The following CTNNA3 variants were observed in gnomAD, a reference collection of about 807,000 sequenced individuals.
The protein encoded by CTNNA3 is catenin alpha 3.
Under a neutral mutation model 95.7 loss-of-function variants are expected in CTNNA3, and 76 were observed. The ratio of observed to expected loss-of-function variants is 0.79; its 90% CI spans 0.66 to 0.96. CTNNA3 has a LOEUF of 0.96. Ranked by LOEUF, CTNNA3 falls within the 40% of genes least tolerant of loss-of-function variation. CTNNA3 has a pLI of 0.00. For missense variants in CTNNA3, 1,191 were observed against 1,089.8 expected (o/e 1.09, Z -1.31); for synonymous variants, 431 against 374.4 (o/e 1.15, Z -1.74).
chr10:67,304,084 G>T (rs10823028), intron 5 of CTNNA3, among the ~76,000 whole-genome samples: 7 of 152,012 alleles, frequency 4.6e-5, no homozygotes, highest in African/African-American at 1.7e-4. Flanking sequence ...TTTAACATTC[G>T]CATTGCCTTG....
intron 11 of CTNNA3, among the ~76,000 whole-genome samples, chr10:66,470,484 T>C (rs1450346034): frequency 6.6e-6 from 1 of 151,922 alleles, no homozygotes; most frequent in African/African-American, 2.4e-5. Context: ...CACCTGGCTC[T>C]AGACATGGAA....
chr10:66,519,568 C>T (rs1840985361), intron 11 of CTNNA3, among the ~76,000 whole-genome samples: 1 of 152,158 alleles, frequency 6.6e-6, no homozygotes, highest in Non-Finnish European at 1.5e-5. Context: ...TATCTGATTG[C>T]CTCCTTTGGA....
chr10:67,641,402 A>G (rs141337109), intron 2 of CTNNA3, among the ~76,000 whole-genome samples: 20,157 of 150,640 alleles, frequency 0.13, 2,409 homozygotes, highest in African/African-American at 0.32. Context: ...CTTTTACACT[A>G]TTGGTGGGAC....
At chr10:66,978,960 C>CTTTTT (rs34112681) in intron 7 of CTNNA3, among the ~76,000 whole-genome samples, 18 of 83,788 alleles carry the variant, frequency 2.1e-4, no homozygotes, top group African/African-American at 3.6e-4. Flanking sequence ...TACTTATTTC[C>CTTTTT]TTTTTTTTTT....
intron 9 of CTNNA3, among the ~76,000 whole-genome samples, chr10:66,664,910 A>G (rs12774100): frequency 2.8e-5 from 4 of 141,874 alleles, no homozygotes; most frequent in African/African-American, 8.0e-5. Flanking sequence ...AAAAAAAAAA[A>G]CAGAGATCCA....
At chr10:67,545,716 T>C (rs1380047391) in intron 3 of CTNNA3, among the ~76,000 whole-genome samples, 4 of 152,154 alleles carry the variant, frequency 2.6e-5, no homozygotes, top group Non-Finnish European at 4.4e-5. Flanking sequence ...ACTGGAAATT[T>C]TAGTCAATAT....
intron 7 of CTNNA3, among the ~76,000 whole-genome samples, chr10:67,031,602 G>A (rs1476142445): frequency 1.3e-5 from 2 of 152,190 alleles, no homozygotes; most frequent in African/African-American, 4.8e-5. Flanking sequence ...TTTTGCAGAA[G>A]TCAGGTTATT....
At chr10:67,319,536 T>C (rs980858312) in intron 5 of CTNNA3, among the ~76,000 whole-genome samples, 1 of 152,078 alleles carries the variant, frequency 6.6e-6, no homozygotes, top group African/African-American at 2.4e-5. Context: ...CTAAAAAAAG[T>C]GCTAATCATT....
intron 12 of CTNNA3, among the ~76,000 whole-genome samples, chr10:66,365,084 G>T (rs2092702097): frequency 6.6e-6 from 1 of 152,108 alleles, no homozygotes; most frequent in Non-Finnish European, 1.5e-5. Flanking sequence ...AAAACAGGGA[G>T]GGGTATAAGA....
intron 7 of CTNNA3, among the ~76,000 whole-genome samples, chr10:66,839,621 T>G (rs1842982074): frequency 1.3e-5 from 2 of 152,138 alleles, no homozygotes; most frequent in African/African-American, 4.8e-5. Flanking sequence ...TTCCATGATA[T>G]TCACACAGCA....
At chr10:67,328,666 T>G (rs1290096151) in intron 5 of CTNNA3, among the ~76,000 whole-genome samples, 1 of 152,188 alleles carries the variant, frequency 6.6e-6, no homozygotes, top group South Asian at 2.1e-4. Flanking sequence ...TGTAGCCCCA[T>G]GTAGCGTTTC....
intron 5 of CTNNA3, among the ~76,000 whole-genome samples, chr10:67,502,480 T>C (rs1354922195): frequency 6.6e-6 from 1 of 152,188 alleles, no homozygotes; most frequent in Non-Finnish European, 1.5e-5. Context: ...GTCTTACCCT[T>C]AGCAGAGCTC....
chr10:66,110,047 AT>A (rs568841125), intron 13 of CTNNA3, among the ~76,000 whole-genome samples: 3 of 152,164 alleles, frequency 2.0e-5, no homozygotes, highest in South Asian at 2.1e-4. Flanking sequence ...CTCATGTATC[AT>A]TTTTTTGTGG....
chr10:66,002,697 C>T (rs1164370019), intron 15 of CTNNA3, among the ~76,000 whole-genome samples: 1 of 152,128 alleles, frequency 6.6e-6, no homozygotes, highest in Non-Finnish European at 1.5e-5. Flanking sequence ...CTGCACAAGT[C>T]ATTGCATCCA....
intron 13 of CTNNA3, among the ~76,000 whole-genome samples, chr10:66,185,849 C>G (rs1325417867): frequency 2.0e-5 from 3 of 151,508 alleles, no homozygotes; most frequent in Admixed American, 1.3e-4. Flanking sequence ...TAGATAAGAA[C>G]CCAAATAAAG....
At chr10:67,637,475 C>G (rs1419975932) in intron 2 of CTNNA3, among the ~76,000 whole-genome samples, 1 of 152,152 alleles carries the variant, frequency 6.6e-6, no homozygotes, top group Non-Finnish European at 1.5e-5. Flanking sequence ...CCCAATCTAG[C>G]AAGGCAGGCC....
chr10:67,486,838 T>G (rs1848468781), intron 5 of CTNNA3, among the ~76,000 whole-genome samples: 1 of 152,242 alleles, frequency 6.6e-6, no homozygotes, highest in African/African-American at 2.4e-5. Context: ...TACCTTTCTC[T>G]TCTAAGGGTT....
At chr10:66,333,626 G>A (rs865976681) in intron 12 of CTNNA3, among the ~76,000 whole-genome samples, 30 of 151,922 alleles carry the variant, frequency 2.0e-4, no homozygotes, top group African/African-American at 7.0e-4. Context: ...TTTTACATTT[G>A]CTGAGGAGTG....
intron 3 of CTNNA3, among the ~76,000 whole-genome samples, chr10:67,558,759 C>G (rs1174015247): frequency 6.6e-6 from 1 of 152,212 alleles, no homozygotes; most frequent in Non-Finnish European, 1.5e-5. Flanking sequence ...CAGATGGCAC[C>G]TGGAAAATCG....
Sources: allele counts gnomAD v4.1 joint callset (sites outside exome capture counted in the v4.1 genomes callset), GRCh38; gene constraint gnomAD v4.1.1; transcripts MANE v1.5; gene names NCBI Gene and HGNC (gene_info 2026-07-23, HGNC 2026-07-21).